DISC1: variants seen among roughly 807,000 people sequenced by gnomAD.
DISC1 encodes disrupted in schizophrenia 1 protein.
A neutral mutation model predicts 84.5 loss-of-function variants in DISC1; 57 were observed. The observed-to-expected ratio is 0.67, with a 90% CI of 0.55 to 0.84. The LOEUF is 0.84. Among genes scored for constraint, DISC1 ranks in the 40% least tolerant of loss-of-function variants. The probability of loss-of-function intolerance (pLI) is 0.00; values close to 1 mark genes in which losing one functional copy is unlikely to be tolerated. For synonymous variants in DISC1, 411 were observed against 415.2 expected (o/e 0.99, Z 0.12); for missense variants, 1,000 against 1,057.8 (o/e 0.95, Z 0.76).
intron 8 of DISC1, among the ~76,000 whole-genome samples, chr1:231,802,950 G>T (rs2079395186): frequency 6.6e-6 from 1 of 152,012 alleles, no homozygotes; most frequent in African/African-American, 2.4e-5. Flanking sequence ...TCGATTTTAG[G>T]ATTTTGTTAC....
intron 12 of DISC1, among the ~76,000 whole-genome samples, chr1:232,026,775 T>C (rs919947014): frequency 1.9e-4 from 28 of 145,358 alleles, no homozygotes; most frequent in Admixed American, 8.8e-4. Context: ...TTTTTTTTTT[T>C]TTTTTTTTTG....
chr1:232,018,305 A>G (rs1668662628), intron 11 of DISC1, among the ~76,000 whole-genome samples: 1 of 152,140 alleles, frequency 6.6e-6, no homozygotes, highest in African/African-American at 2.4e-5. Context: ...AAAATTTTAA[A>G]TGTTGGTATC....
Position 232,039,439 on chromosome 1 carries a change from T to A in DISC1, c.*2608T>A, listed in dbSNP as rs901828631. ...TGAACCCGAAATAAGGGTTCTTTGGTACCTCTAGTAGATAGTGTGTTCATT... is the reference window on the plus strand; with the variant it reads ...TGAACCCGAAATAAGGGTTCTTTGGAACCTCTAGTAGATAGTGTGTTCATT... On this transcript the variant is annotated 3_prime_UTR_variant, in exon 13 of 13. Transcript: ENST00000439617. 6.6e-6 allele frequency: 1 copy of A among 152,216 alleles called. No homozygotes were observed. Among genetic ancestry groups the A allele is most frequent in the Non-Finnish European group, 1.5e-5 (1 of 68,048 alleles). 9.4% of individuals were successfully genotyped at this position (152,216 alleles called of 1,614,324 possible). A position where few individuals can be genotyped will look rare whatever the true frequency, so the allele number is the denominator to read the frequency against.
At chr1:231,724,084 T>G in intron 3 of DISC1, 1 of 932,044 alleles carries the variant, frequency 1.1e-6, no homozygotes, top group African/African-American at 1.8e-5. Context: ...TAAATGGATA[T>G]TGTCACCTGC....
In DISC1 at chr1:231,907,127, C is replaced by CTCT. The variant is rs1430918923; in HGVS notation, c.1982-51700_1982-51699insCTT. 4.9e-3 allele frequency among the ~76,000 whole-genome samples: 239 copies of CTCT among 48,578 alleles called. 1 individual carries two copies. The highest frequency in any genetic ancestry group is 0.02 in the African/African-American group (217 of 10,880). The allele number at this position is 48,578 out of a possible 152,430, so 31.9% of individuals were successfully genotyped here. A position where few individuals can be genotyped will look rare whatever the true frequency, so the allele number is the denominator to read the frequency against. Reference sequence around the variant, plus strand: ...CCTTCTCTCCTTCCTTCCTTCCTTCCTTCCTCTTTCTTTCTTTCTTTCTTT... The same window carrying CTCT: ...CCTTCTCTCCTTCCTTCCTTCCTTCCTCTTTCCTCTTTCTTTCTTTCTTTCTTT... On this transcript the variant is annotated intron_variant, in intron 9 of 12. Coordinates refer to ENST00000439617, the MANE Select transcript of DISC1 (RefSeq NM_018662.3).
rs2125120206 is a variant in DISC1, at chr1:231,723,524, G to A, written c.1117+21500G>A. ...TGTGCAGTCCTGTGGTTACATCAAA[G>A]GTTAAATTTCATATAGCATGTCTGT... On this transcript the variant is annotated intron_variant, in intron 3 of 12. Transcript: ENST00000439617. 4.1e-6 allele frequency: 4 copies of A among 985,444 alleles called. No homozygotes were observed. The South Asian group carries it at 1.9e-4, about 46-fold the overall frequency. The allele number at this position is 985,444 out of a possible 1,614,324, so 61.0% of individuals were successfully genotyped here.
chr1:231,655,347 T>C (rs1459789292), intron 1 of DISC1, among the ~76,000 whole-genome samples: 1 of 152,164 alleles, frequency 6.6e-6, no homozygotes, highest in East Asian at 1.9e-4. Flanking sequence ...GAAAGTACAG[T>C]GTTTGGTTTT....
intron 6 of DISC1, among the ~76,000 whole-genome samples, chr1:231,773,725 C>T (rs1281772533): frequency 1.3e-5 from 2 of 152,070 alleles, no homozygotes; most frequent in Non-Finnish European, 2.9e-5. Context: ...AGTTGTGGCT[C>T]TCTGATTTTA....
At chr1:232,035,480 G>A (rs1176037428) in intron 12 of DISC1, among the ~76,000 whole-genome samples, 1 of 152,150 alleles carries the variant, frequency 6.6e-6, no homozygotes, top group Admixed American at 6.5e-5. Flanking sequence ...GCTTTCCACA[G>A]TGGTTCGTAA....
intron 3 of DISC1, among the ~76,000 whole-genome samples, chr1:231,702,988 T>G (rs1430347843): frequency 1.3e-5 from 2 of 152,234 alleles, no homozygotes; most frequent in African/African-American, 4.8e-5. Flanking sequence ...TGGAAGCTGG[T>G]TAGCTTTAAG....
At chr1:231,735,267 AATTGTTCATTGACT>A (rs1428304435) in intron 3 of DISC1, among the ~76,000 whole-genome samples, 2 of 152,184 alleles carry the variant, frequency 1.3e-5, no homozygotes, top group Non-Finnish European at 1.5e-5. Context: ...CTGTTTTCCT[AATTGTTCATTGACT>A]TACTGCATAC....
intron 3 of DISC1, among the ~76,000 whole-genome samples, chr1:231,746,522 C>T (rs555480152): frequency 2.6e-5 from 4 of 152,292 alleles, no homozygotes; most frequent in Non-Finnish European, 5.9e-5. Context: ...TGAGGAACTT[C>T]CATACTGTTC....
At chr1:231,733,137 G>GGTA (rs1355788416) in intron 3 of DISC1, among the ~76,000 whole-genome samples, 12 of 92,658 alleles carry the variant, frequency 1.3e-4, no homozygotes, top group African/African-American at 4.1e-4. Context: ...TGGTGATAGT[G>GGTA]GTGGTAGGAG....
chr1:231,919,254 CAAT>C (rs2089847144), intron 9 of DISC1, among the ~76,000 whole-genome samples: 1 of 152,304 alleles, frequency 6.6e-6, no homozygotes, highest in East Asian at 1.9e-4. Context: ...ACAGCTTTGA[CAAT>C]AAGCTGCTAC....
chr1:231,682,318 A>G (rs146544919), intron 1 of DISC1, among the ~76,000 whole-genome samples: 1 of 152,216 alleles, frequency 6.6e-6, no homozygotes. Context: ...TGTTTTGGGC[A>G]GATAAAGGGA....
At chr1:231,705,291 C>CAAA (rs35677987) in intron 3 of DISC1, among the ~76,000 whole-genome samples, 184 of 10,712 alleles carry the variant, frequency 0.017, 6 homozygotes, top group African/African-American at 0.038. Flanking sequence ...GACTCCATCT[C>CAAA]AAAAAAAAAA....
chr1:231,776,230 C>T (rs2812391), intron 6 of DISC1, among the ~76,000 whole-genome samples: 41,666 of 151,960 alleles, frequency 0.27, 6,114 homozygotes, highest in East Asian at 0.48. Flanking sequence ...ACAGTGATGA[C>T]GTGGAGGGCT....
intron 9 of DISC1, among the ~76,000 whole-genome samples, chr1:231,845,058 A>G (rs975263844): frequency 1.3e-5 from 2 of 152,188 alleles, no homozygotes; most frequent in African/African-American, 4.8e-5. Context: ...GGCAGGCTTC[A>G]GAGAGACTAG....
intron 11 of DISC1, among the ~76,000 whole-genome samples, chr1:232,024,616 A>G (rs1197584543): frequency 1.3e-5 from 2 of 151,336 alleles, no homozygotes; most frequent in African/African-American, 2.4e-5. Context: ...TTTTTGAGAC[A>G]GCGTCTTGCT....
Sources: gnomAD v4.1 joint callset for allele counts (sites outside exome capture counted in the v4.1 genomes callset) on GRCh38, gnomAD v4.1.1 for gene constraint, MANE v1.5 for transcripts, NCBI Gene and HGNC (gene_info 2026-07-23, HGNC 2026-07-21) for gene names.